Variants in CNTLN observed in about 807,000 individuals in gnomAD.
CNTLN encodes centlein, also known as centlein, centrosomal protein.
Under a neutral mutation model 180.0 loss-of-function variants are expected in CNTLN, and 212 were observed. That is an observed-to-expected ratio of 1.18 (90% confidence interval 1.05 to 1.32). CNTLN has a LOEUF of 1.32. CNTLN is among the 40% of genes most tolerant of loss of function. CNTLN has a pLI of 0.00. For synonymous variants in CNTLN, 722 were observed against 563.1 expected, an observed-to-expected ratio of 1.28 and a Z score of -3.99; for missense variants, 2,095 against 1,610.9, an observed-to-expected ratio of 1.30 and a Z score of -5.14.
chr9:17,254,267 G>A (rs1826335169), intron 5 of CNTLN, among the ~76,000 whole-genome samples: 1 of 151,540 alleles, frequency 6.6e-6, no homozygotes, highest in Non-Finnish European at 1.5e-5. Context: ...ATGAACAAAA[G>A]TTTTCAATTT....
chr9:17,237,699 G>T (rs1033935905), intron 5 of CNTLN, among the ~76,000 whole-genome samples: 5 of 151,834 alleles, frequency 3.3e-5, no homozygotes, highest in East Asian at 1.9e-4. Flanking sequence ...CCCCTGGCTG[G>T]GTTCAATCCT....
intron 8 of CNTLN, among the ~76,000 whole-genome samples, chr9:17,327,758 A>T (rs979346451): frequency 4.6e-5 from 7 of 152,118 alleles, no homozygotes; most frequent in Admixed American, 1.3e-4. Flanking sequence ...GTTCGAGACC[A>T]GCCTGATCAA....
chr9:17,418,385 C>G (rs1828431923), intron 18 of CNTLN, among the ~76,000 whole-genome samples: 1 of 151,946 alleles, frequency 6.6e-6, no homozygotes. Context: ...TAGATACAGA[C>G]AAATTCTCTT....
chr9:17,338,808 C>A (rs983323247), intron 10 of CNTLN, among the ~76,000 whole-genome samples: 1 of 151,996 alleles, frequency 6.6e-6, no homozygotes, highest in Non-Finnish European at 1.5e-5. Flanking sequence ...AGATGGATAA[C>A]CTGAGTTAAC....
intron 2 of CNTLN, among the ~76,000 whole-genome samples, chr9:17,155,868 G>C (rs1167443250): frequency 6.6e-6 from 1 of 152,190 alleles, no homozygotes; most frequent in Non-Finnish European, 1.5e-5. Flanking sequence ...GCCCTGGTGG[G>C]GTAGGCACTG....
chr9:17,517,144 C>T, the CNTLN span, among the ~76,000 whole-genome samples: 44 of 152,110 alleles, frequency 2.9e-4, no homozygotes, highest in Middle Eastern at 3.4e-3. Context: ...GTAATCCCAG[C>T]ACTTTGGGAG....
intron 13 of CNTLN, among the ~76,000 whole-genome samples, chr9:17,381,691 A>G (rs1214159652): frequency 6.6e-6 from 1 of 152,242 alleles, no homozygotes; most frequent in East Asian, 1.9e-4. Flanking sequence ...TCTCACTAGC[A>G]TGCAGTAATA....
intron 2 of CNTLN, among the ~76,000 whole-genome samples, chr9:17,164,457 G>GTTTTTTTT (rs772109564): frequency 8.3e-4 from 57 of 68,458 alleles, no homozygotes; most frequent in Middle Eastern, 0.018. Context: ...TTATTTTTAT[G>GTTTTTTTT]TTTTTTTTTT....
the CNTLN span, among the ~76,000 whole-genome samples, chr9:17,518,036 C>CTTTTTTTTTTTTTTTTT: frequency 2.9e-5 from 2 of 69,230 alleles, no homozygotes; most frequent in Admixed American, 2.7e-4. Flanking sequence ...TTTTCTTTTC[C>CTTTTTTTTTTTTTTTTT]TTTTTTTTTT....
chr9:17,467,010 T>G, intron 23 of CNTLN, 119 bp downstream of exon 23: 1 of 588,744 alleles, frequency 1.7e-6, no homozygotes, highest in Non-Finnish European at 2.9e-6. Context: ...GAAAGCATCT[T>G]CTTCTACCCT....
intron 2 of CNTLN, among the ~76,000 whole-genome samples, chr9:17,175,327 T>G (rs1820654197): frequency 1.3e-5 from 2 of 152,144 alleles, no homozygotes; most frequent in Non-Finnish European, 2.9e-5. Flanking sequence ...TAAGAAGAGA[T>G]TTAAGGAGGT....
At chr9:17,393,131 T>G (rs2133708713) in intron 14 of CNTLN, among the ~76,000 whole-genome samples, 1 of 152,234 alleles carries the variant, frequency 6.6e-6, no homozygotes, top group Middle Eastern at 3.4e-3. Flanking sequence ...CTTCTTGCTG[T>G]GTCCTCACAT....
intron 20 of CNTLN, 93 bp from the exon 21 acceptor site, chr9:17,464,404 G>C (rs1442532): frequency 0.99 from 1,067,848 of 1,080,836 alleles, 527,956 homozygotes; most frequent in Non-Finnish European, 1. Context: ...CATTTAAAAA[G>C]TAACAGTAGG....
chr9:17,419,684 C>T (rs1217545126), intron 18 of CNTLN, among the ~76,000 whole-genome samples: 2 of 151,962 alleles, frequency 1.3e-5, no homozygotes, highest in Non-Finnish European at 2.9e-5. Context: ...TAAGAAATAA[C>T]CTTATACCCT....
intron 2 of CNTLN, among the ~76,000 whole-genome samples, chr9:17,203,703 C>A (rs1457937899): frequency 6.6e-6 from 1 of 152,066 alleles, no homozygotes; most frequent in Non-Finnish European, 1.5e-5. Flanking sequence ...ACTACAGGCA[C>A]CCGCCACCAC....
chr9:17,394,099 A>T (rs1478757000), intron 14 of CNTLN, among the ~76,000 whole-genome samples: 2 of 152,194 alleles, frequency 1.3e-5, no homozygotes, highest in African/African-American at 4.8e-5. Flanking sequence ...CAGCCTCAGT[A>T]GATTACTTTA....
At chr9:17,282,467 T>C (rs1050535217) in intron 6 of CNTLN, among the ~76,000 whole-genome samples, 2 of 152,204 alleles carry the variant, frequency 1.3e-5, no homozygotes, top group Non-Finnish European at 2.9e-5. Flanking sequence ...TTTAAGTTCC[T>C]TGTAGATTCT....
the CNTLN span, among the ~76,000 whole-genome samples, chr9:17,521,830 A>T: frequency 6.6e-6 from 1 of 152,260 alleles, no homozygotes; most frequent in Non-Finnish European, 1.5e-5. Flanking sequence ...TGAAAAATTA[A>T]TTACTAACAG....
intron 18 of CNTLN, among the ~76,000 whole-genome samples, chr9:17,430,280 A>G (rs1352717255): frequency 6.6e-6 from 1 of 151,978 alleles, no homozygotes; most frequent in Non-Finnish European, 1.5e-5. Context: ...AAGATTTCCT[A>G]TAATAAACTA....
Sources: allele counts gnomAD v4.1 joint callset (sites outside exome capture counted in the v4.1 genomes callset), GRCh38; gene constraint gnomAD v4.1.1; transcripts MANE v1.5; gene names NCBI Gene and HGNC (gene_info 2026-07-23, HGNC 2026-07-21).